TNPO3: variants seen among roughly 807,000 people sequenced by gnomAD.
TNPO3 encodes transportin 3, also known as transportin-3.
In TNPO3, 65 loss-of-function variants were observed where a neutral mutation model predicts 122.8. That is an observed-to-expected ratio of 0.53 (90% confidence interval 0.43 to 0.65). The LOEUF (loss-of-function observed/expected upper bound fraction) is 0.65. Ranked by LOEUF, TNPO3 falls within the 30% of genes least tolerant of loss-of-function variation. The probability of loss-of-function intolerance (pLI) is 0.00; values close to 1 mark genes in which losing one functional copy is unlikely to be tolerated. For synonymous variants in TNPO3, 372 were observed against 411.2 expected (o/e 0.90, Z 1.15); for missense variants, 850 against 1,136.7 (o/e 0.75, Z 3.63).
At chr7:128,968,067 C>CA (rs1387946250) in intron 20 of TNPO3, among the ~76,000 whole-genome samples, 2 of 152,078 alleles carry the variant, frequency 1.3e-5, no homozygotes, top group African/African-American at 4.8e-5. Flanking sequence ...AACAGATTTC[C>CA]AAAAACTCTT....
At chr7:128,996,340 A>C (rs1190081473) in intron 8 of TNPO3, among the ~76,000 whole-genome samples, 1 of 152,234 alleles carries the variant, frequency 6.6e-6, no homozygotes, top group East Asian at 1.9e-4. Context: ...CAAAATCAGT[A>C]TAAATAAGAT....
intron 21 of TNPO3, among the ~76,000 whole-genome samples, chr7:128,960,363 C>A (rs1335637860): frequency 6.6e-6 from 1 of 151,926 alleles, no homozygotes; most frequent in African/African-American, 2.4e-5. Flanking sequence ...TGTAAAACAG[C>A]CTCAGGCAGG....
At chr7:128,965,787 A>G (rs570346953) in intron 21 of TNPO3, among the ~76,000 whole-genome samples, 7 of 152,368 alleles carry the variant, frequency 4.6e-5, no homozygotes, top group South Asian at 2.1e-4. Context: ...GCTACAACAT[A>G]GATGAATCCT....
intron 21 of TNPO3, among the ~76,000 whole-genome samples, chr7:128,959,089 A>G (rs984479261): frequency 3.3e-5 from 5 of 152,234 alleles, no homozygotes; most frequent in African/African-American, 1.2e-4. Flanking sequence ...ATAAGCTTCA[A>G]TTTAAGTGTT....
At chr7:128,966,492 A>G (rs998578154) in intron 21 of TNPO3, among the ~76,000 whole-genome samples, 7 of 152,238 alleles carry the variant, frequency 4.6e-5, no homozygotes, top group African/African-American at 1.2e-4. Context: ...CATTAAGACC[A>G]TAAGTCTCAT....
In TNPO3 at chr7:129,043,300, T is replaced by C. The variant is rs1457211930; in HGVS notation, c.120+11351A>G. ...CACCTTTGGTCTCAGCTTCAGGGGG[T>C]GGGGGTAGGGGACTGAGGTGGGAAG... On this transcript the variant is annotated intron_variant, in intron 1 of 22. Coordinates refer to ENST00000265388, the MANE Select transcript of TNPO3 (RefSeq NM_012470.4). Among the ~76,000 whole-genome samples, 5 of 140,502 alleles carry C rather than the reference T, an allele frequency of 3.6e-5. No individual in the cohort carries two copies. The East Asian group carries it at 1.1e-3, about 30-fold the overall frequency. The allele number at this position is 140,502 out of a possible 152,430, so 92.2% of individuals were successfully genotyped here. A position where few individuals can be genotyped will look rare whatever the true frequency, so the allele number is the denominator to read the frequency against.
chr7:129,007,850 T>C (rs1457423795), intron 4 of TNPO3, among the ~76,000 whole-genome samples: 2 of 152,186 alleles, frequency 1.3e-5, no homozygotes, highest in African/African-American at 2.4e-5. Context: ...CAAGTATTTA[T>C]AGAAGGAAGA....
At chr7:128,983,264 T>C (rs2150328666) in intron 13 of TNPO3, among the ~76,000 whole-genome samples, 1 of 152,246 alleles carries the variant, frequency 6.6e-6, no homozygotes, top group African/African-American at 2.4e-5. Context: ...TGGAGTACAA[T>C]GGCGCGATTT....
At chr7:129,000,060 A>T in intron 7 of TNPO3, among the ~76,000 whole-genome samples, 1 of 152,212 alleles carries the variant, frequency 6.6e-6, no homozygotes, top group Non-Finnish European at 1.5e-5. Context: ...ATTCTCATCC[A>T]TCATTTGGAG....
At chr7:129,042,195 T>C (rs946140886) in intron 1 of TNPO3, among the ~76,000 whole-genome samples, 3 of 152,224 alleles carry the variant, frequency 2.0e-5, no homozygotes, top group Non-Finnish European at 2.9e-5. Flanking sequence ...GAAAATAAAG[T>C]TCTGGAAATA....
chr7:128,976,164 T>G (rs539155510), intron 16 of TNPO3, among the ~76,000 whole-genome samples: 10 of 152,356 alleles, frequency 6.6e-5, no homozygotes, highest in African/African-American at 2.2e-4. Context: ...AAGACAATGC[T>G]GTATAAGAGT....
chr7:128,962,535 G>A (rs1444307851), intron 21 of TNPO3, among the ~76,000 whole-genome samples: 2 of 152,230 alleles, frequency 1.3e-5, no homozygotes, highest in African/African-American at 4.8e-5. Flanking sequence ...TCAAAAGGGA[G>A]ACTGAGTCAT....
At chr7:129,017,217 TAA>T (rs768586938) in intron 2 of TNPO3, among the ~76,000 whole-genome samples, 161 bp from the exon 3 acceptor site, 2 of 152,226 alleles carry the variant, frequency 1.3e-5, no homozygotes, top group Non-Finnish European at 2.9e-5. Context: ...ACATCTGATG[TAA>T]ACTTTTTTGG....
intron 1 of TNPO3, chr7:129,041,566 G>A (rs1338147125): frequency 1.0e-6 from 1 of 985,438 alleles, no homozygotes. Flanking sequence ...CACTTCATAG[G>A]ACTTTCTAGC....
intron 9 of TNPO3, 123 bp downstream of exon 9, chr7:128,993,684 A>G (rs1409097146): frequency 5.1e-6 from 4 of 784,816 alleles, no homozygotes; most frequent in Middle Eastern, 2.5e-4. Flanking sequence ...AGGCACTTGC[A>G]TATCTATTAT....
chr7:128,959,654 G>A (rs1301170802), intron 21 of TNPO3, among the ~76,000 whole-genome samples: 2 of 152,220 alleles, frequency 1.3e-5, no homozygotes, highest in Admixed American at 1.3e-4. Flanking sequence ...ATCTGCAAGT[G>A]CTTTGGTGTC....
intron 4 of TNPO3, among the ~76,000 whole-genome samples, chr7:129,013,861 C>T (rs1012395068): frequency 2.0e-5 from 3 of 152,038 alleles, no homozygotes; most frequent in Admixed American, 1.3e-4. Context: ...GTGAAGTAAG[C>T]CAGGCACAGA....
At chr7:128,982,564 A>T (rs945892771) in intron 13 of TNPO3, among the ~76,000 whole-genome samples, 1 of 152,204 alleles carries the variant, frequency 6.6e-6, no homozygotes, top group Non-Finnish European at 1.5e-5. Context: ...TTACTGTCTG[A>T]TTACTGAGGA....
intron 1 of TNPO3, among the ~76,000 whole-genome samples, chr7:129,031,044 G>C (rs978170338): frequency 3.3e-5 from 5 of 152,198 alleles, no homozygotes; most frequent in Non-Finnish European, 7.3e-5. Flanking sequence ...CAGCACTTTG[G>C]GACGCCAAGG....
Sources: allele counts gnomAD v4.1 joint callset (sites outside exome capture counted in the v4.1 genomes callset), GRCh38; gene constraint gnomAD v4.1.1; transcripts MANE v1.5; gene names NCBI Gene and HGNC (gene_info 2026-07-23, HGNC 2026-07-21).